Variants in ARHGAP32 observed in about 807,000 individuals in gnomAD.
The protein encoded by ARHGAP32 is rho GTPase-activating protein 32.
ARHGAP32 carries 51 observed loss-of-function variants against 186.5 expected under a neutral mutation model. The observed-to-expected ratio is 0.27, with a 90% confidence interval of 0.22 to 0.35. The LOEUF is 0.35. Ranked by LOEUF, ARHGAP32 falls within the 10% of genes least tolerant of loss-of-function variation. The pLI is 1.00. For synonymous variants in ARHGAP32, 950 were observed against 964.3 expected (o/e 0.99, Z 0.27); for missense variants, 2,186 against 2,623.5 (o/e 0.83, Z 3.64).
Position 128,968,241 on chromosome 11 carries a change from A to AGTAT in ARHGAP32, c.*662_*665dup, listed in dbSNP as rs1354236573. On this transcript the variant is annotated 3_prime_UTR_variant, in exon 23 of 23. Transcript: ENST00000682385. Reference sequence around the variant, plus strand: ...AAGGATGAAAAATAAGAATAGAAAGAGTATGGTTCAGCCTGAGTCTAAGTG... The same window carrying AGTAT: ...AAGGATGAAAAATAAGAATAGAAAGAGTATGTATGGTTCAGCCTGAGTCTAAGTG... The AGTAT allele has an allele frequency of 6.6e-6, 1 of 152,206 alleles. No homozygotes were observed. Among genetic ancestry groups the AGTAT allele is most frequent in the African/African-American group, 2.4e-5 (1 of 41,452 alleles). The allele number at this position is 152,206 out of a possible 1,614,324, so 9.4% of individuals were successfully genotyped here.
In ARHGAP32 at chr11:129,099,646, T is replaced by C. The variant is rs368637730; in HGVS notation, c.445-5939A>G. ...AACCAAAAGAGAGTGGAGGTGACTA[T>C]ACTAAAAATAAATAAAACAGACACT... On this transcript the variant is annotated intron_variant, in intron 5 of 22. Coordinates refer to ENST00000682385, the MANE Select transcript of ARHGAP32 (RefSeq NM_001378024.1). Among the ~76,000 whole-genome samples, 80 of 152,010 alleles carry C rather than the reference T, an allele frequency of 5.3e-4. 1 individual carries two copies. Among genetic ancestry groups the C allele is most frequent in the Admixed American group, 1.7e-3 (26 of 15,274 alleles).
chr11:129,073,661 C>T (rs79741311), intron 6 of ARHGAP32, among the ~76,000 whole-genome samples: 1 of 150,704 alleles, frequency 6.6e-6, no homozygotes, highest in Non-Finnish European at 1.5e-5. Context: ...GGAGCAAAAC[C>T]AATATTTCTA....
intron 2 of ARHGAP32, among the ~76,000 whole-genome samples, chr11:129,130,913 C>A (rs1439088038): frequency 6.6e-6 from 1 of 151,938 alleles, no homozygotes; most frequent in South Asian, 2.1e-4. Flanking sequence ...TTATTCATAA[C>A]CACTAAAAAT....
intron 11 of ARHGAP32, among the ~76,000 whole-genome samples, chr11:129,034,665 C>T (rs914899544): frequency 6.9e-6 from 1 of 145,416 alleles, no homozygotes; most frequent in African/African-American, 2.6e-5. Context: ...ACTGACCACA[C>T]ATAGCAGAGT....
At chr11:129,108,016 A>G (rs889271131) in intron 5 of ARHGAP32, among the ~76,000 whole-genome samples, 6 of 152,168 alleles carry the variant, frequency 3.9e-5, no homozygotes, top group African/African-American at 1.4e-4. Context: ...AAATATACAG[A>G]GGAAAAAATG....
At chr11:129,093,032 C>T (rs1287382554) in intron 6 of ARHGAP32, among the ~76,000 whole-genome samples, 1 of 151,966 alleles carries the variant, frequency 6.6e-6, no homozygotes, top group East Asian at 1.9e-4. Flanking sequence ...ATGGTCATTA[C>T]CTTCAAAACA....
intron 6 of ARHGAP32, among the ~76,000 whole-genome samples, chr11:129,091,923 C>A (rs1841873683): frequency 6.6e-6 from 1 of 151,908 alleles, no homozygotes; most frequent in Non-Finnish European, 1.5e-5. Flanking sequence ...ATGGCTAACA[C>A]AATATGTCAA....
At chr11:129,045,260 G>A (rs1255968709) in intron 10 of ARHGAP32, among the ~76,000 whole-genome samples, 1 of 152,220 alleles carries the variant, frequency 6.6e-6, no homozygotes, top group African/African-American at 2.4e-5. Context: ...CAGGTGTCAT[G>A]ACTAGATCTG....
chr11:129,230,101 T>C (rs542419206), intron 1 of ARHGAP32, among the ~76,000 whole-genome samples: 4 of 152,178 alleles, frequency 2.6e-5, no homozygotes, highest in Admixed American at 1.3e-4. Context: ...GCACGAACCA[T>C]TGTGCGCAGC....
Position 129,247,951 on chromosome 11 carries a change from A to T in ARHGAP32, c.-5+31195T>A, listed in dbSNP as rs190433602. ...AAATTTATGCAACAAAAAGAAAATT[A>T]AAAAACCCAAACATCTTCCCCCTGA... On this transcript the variant is annotated intron_variant, in intron 1 of 6. Transcript: ENST00000525234. 8.5e-5 allele frequency among the ~76,000 whole-genome samples: 13 copies of T among 152,294 alleles called. No homozygotes were observed. The East Asian group carries it at 9.6e-4, about 11-fold the overall frequency.
chr11:129,211,478 G>A (rs1191390379), intron 1 of ARHGAP32, among the ~76,000 whole-genome samples: 1 of 152,138 alleles, frequency 6.6e-6, no homozygotes, highest in African/African-American at 2.4e-5. Flanking sequence ...CAAAAACGCT[G>A]GGCATCTAAC....
At chr11:129,041,492 T>TAA (rs5795655) in intron 10 of ARHGAP32, among the ~76,000 whole-genome samples, 53 of 130,374 alleles carry the variant, frequency 4.1e-4, no homozygotes, top group Non-Finnish European at 7.2e-4. Flanking sequence ...CCAGGTTTCA[T>TAA]AAAAAAAAAA....
At chr11:128,978,624 G>T (rs1243861116) in intron 19 of ARHGAP32, 146 bp downstream of exon 19, 2 of 602,364 alleles carry the variant, frequency 3.3e-6, no homozygotes, top group African/African-American at 3.8e-5. Context: ...TAGGAATAAA[G>T]AATCGGTGAG....
At chr11:128,993,587 T>C (rs1946121311) in intron 12 of ARHGAP32, among the ~76,000 whole-genome samples, 1 of 151,946 alleles carries the variant, frequency 6.6e-6, no homozygotes, top group Non-Finnish European at 1.5e-5. Context: ...TCAATTCTCA[T>C]TGTTTTAATT....
intron 12 of ARHGAP32, among the ~76,000 whole-genome samples, chr11:128,991,574 C>T (rs1264617171): frequency 6.6e-6 from 1 of 151,982 alleles, no homozygotes; most frequent in Admixed American, 6.6e-5. Flanking sequence ...TTACTAGCTA[C>T]CCCCAAACCA....
At chr11:129,014,792 T>C (rs1461012634) in intron 11 of ARHGAP32, among the ~76,000 whole-genome samples, 1 of 152,196 alleles carries the variant, frequency 6.6e-6, no homozygotes, top group Non-Finnish European at 1.5e-5. Flanking sequence ...AGATAACCAC[T>C]GGGTAGAAAT....
chr11:129,093,573 C>T (rs779942324), intron 6 of ARHGAP32, 48 bp downstream of exon 6: 8 of 1,313,462 alleles, frequency 6.1e-6, no homozygotes, highest in Non-Finnish European at 5.4e-6. Context: ...CATCACTCAA[C>T]CTAATTCTTA....
intron 10 of ARHGAP32, among the ~76,000 whole-genome samples, chr11:129,054,206 T>A (rs1211020101): frequency 6.6e-6 from 1 of 152,142 alleles, no homozygotes. Flanking sequence ...ATGGGGTATA[T>A]AAAATTCTGT....
At position 128,970,407 on chromosome 11, in the gene ARHGAP32, A is replaced by C. The variant is rs1267247130; in HGVS notation, c.4806T>G (p.Ala1602=). The C allele has an allele frequency of 6.2e-7, 1 of 1,614,142 alleles. No homozygotes were observed. The highest frequency in any genetic ancestry group is 8.5e-7 in the Non-Finnish European group (1 of 1,180,034). The change falls in exon 23 of 23, where the codon GCT becomes GCG. Residue 1602 remains alanine (A), a synonymous_variant. Coordinates refer to ENST00000682385, the MANE Select transcript of ARHGAP32 (RefSeq NM_001378024.1). This position sits in a 1 kb window ranked among gnomAD's most constrained non-coding sequence, Gnocchi z 5.8. ...PTIRRVQSLH[A]PPSSMIRSVP... ...CAGAGCGAATCATGGAAGACGGCGG[A>C]GCATGGAGAGACTGCACTCTCCGGA...
Sources: allele counts gnomAD v4.1 joint callset (sites outside exome capture counted in the v4.1 genomes callset), GRCh38; gene constraint gnomAD v4.1.1; non-coding constraint Gnocchi (gnomAD v3.1); transcripts MANE v1.5; gene names NCBI Gene and HGNC (gene_info 2026-07-23, HGNC 2026-07-21).